Variants in NTN4 observed in about 807,000 individuals in gnomAD.
The protein encoded by NTN4 is netrin 4, also known as netrin-4.
Under a neutral mutation model 73.6 loss-of-function variants are expected in NTN4, and 32 were observed. That is an observed-to-expected ratio of 0.44 (90% CI 0.33 to 0.58). The LOEUF (loss-of-function observed/expected upper bound fraction) is 0.58, where lower values mean the gene tolerates loss of function less well. NTN4 is among the 20% of genes least tolerant of loss of function. NTN4 has a pLI of 0.04. For missense variants in NTN4, 654 were observed against 798.3 expected (o/e 0.82, Z 2.18); for synonymous variants, 258 against 287.5 (o/e 0.90, Z 1.04).
At chr12:95,777,215 T>C (rs950946920) in intron 2 of NTN4, among the ~76,000 whole-genome samples, 6 of 152,092 alleles carry the variant, frequency 3.9e-5, no homozygotes, top group African/African-American at 1.2e-4. Context: ...ACATGCCAAA[T>C]TGTAAAGACC....
intron 5 of NTN4, among the ~76,000 whole-genome samples, chr12:95,705,941 G>T (rs2078519163): frequency 6.6e-6 from 1 of 152,294 alleles, no homozygotes; most frequent in East Asian, 1.9e-4. Flanking sequence ...TATTCTAATT[G>T]CTCAAGTTCG....
At chr12:95,677,842 A>G (rs894320315) in intron 7 of NTN4, among the ~76,000 whole-genome samples, 1 of 152,184 alleles carries the variant, frequency 6.6e-6, no homozygotes, top group Admixed American at 6.5e-5. Context: ...CTGGGTATAC[A>G]CCCAAAGGAT....
At chr12:95,783,613 T>A (rs2079147576) in intron 2 of NTN4, among the ~76,000 whole-genome samples, 1 of 152,154 alleles carries the variant, frequency 6.6e-6, no homozygotes, top group African/African-American at 2.4e-5. Context: ...AGAACTTGAT[T>A]TTATGGAACA....
In NTN4 at chr12:95,704,687, G is replaced by A. The variant is rs139262978; in HGVS notation, c.1180+5754C>T. On this transcript the variant is annotated intron_variant, in intron 5 of 9. Transcript: ENST00000343702. ...GTGCTGATAAATGTTGGGATCTACT[G>A]CAGGCTCAGAAAAAGAGAAGAACCA... Among the ~76,000 whole-genome samples the A allele has an allele frequency of 4.4e-3, 665 of 152,298 alleles. 6 individuals carry two copies. Among genetic ancestry groups the A allele is most frequent in the South Asian group, 0.033 (159 of 4,826 alleles).
At chr12:95,664,858 T>A (rs2078167594) in intron 9 of NTN4, among the ~76,000 whole-genome samples, 3 of 151,994 alleles carry the variant, frequency 2.0e-5, no homozygotes. Context: ...AATGTAACAA[T>A]GAGTTTATAT....
chr12:95,723,141 T>C (rs1341065182), intron 3 of NTN4, among the ~76,000 whole-genome samples: 1 of 152,066 alleles, frequency 6.6e-6, no homozygotes, highest in Non-Finnish European at 1.5e-5. Context: ...AACAAATCTC[T>C]CTTTTGTGAG....
intron 2 of NTN4, among the ~76,000 whole-genome samples, chr12:95,757,831 T>C (rs897812179): frequency 1.3e-4 from 19 of 151,852 alleles, no homozygotes; most frequent in African/African-American, 4.6e-4. Flanking sequence ...AAAAGGAGAT[T>C]ACAAAAACCT....
At position 95,658,024 on chromosome 12, in the gene NTN4, CTG is replaced by C. The variant is rs547048724; in HGVS notation, c.*1060_*1061del. ...ACAGAAGATGAATAATAATGAAAAA[CTG>C]TGATTTTTTGACTATCACATACATT... On this transcript the variant is annotated 3_prime_UTR_variant, in exon 10 of 10. Coordinates refer to ENST00000343702, the MANE Select transcript of NTN4 (RefSeq NM_021229.4). 4.1e-3 allele frequency: 624 copies of C among 152,622 alleles called. 6 individuals carry two copies. The highest frequency in any genetic ancestry group is 6.3e-3 in the Non-Finnish European group (427 of 68,000). 9.5% of individuals were successfully genotyped at this position (152,622 alleles called of 1,614,324 possible).
rs550503451 is a variant in NTN4 at position 95,732,174 on chromosome 12, G to A, written c.864+5692C>T. ...TTATTGTTTTTTAAATCTCCTGTTC[G>A]TTTCCTTAATACCTTAAAGATTGAA... On this transcript the variant is annotated intron_variant, in intron 3 of 9. Transcript: ENST00000343702. Among the ~76,000 whole-genome samples, 739 of 151,626 alleles carry A rather than the reference G, an allele frequency of 4.9e-3. 4 individuals are homozygous for A. Among genetic ancestry groups the A allele is most frequent in the Non-Finnish European group, 8.6e-3 (585 of 67,904 alleles).
chr12:95,757,112 C>T (rs1368225824), intron 2 of NTN4, among the ~76,000 whole-genome samples: 1 of 152,024 alleles, frequency 6.6e-6, no homozygotes, highest in Non-Finnish European at 1.5e-5. Flanking sequence ...GTGCAGGGGA[C>T]CTTGTCTGCT....
intron 2 of NTN4, among the ~76,000 whole-genome samples, chr12:95,741,443 A>ATATATT (rs1211849831): frequency 2.9e-5 from 3 of 104,446 alleles, no homozygotes; most frequent in African/African-American, 1.5e-4. Context: ...ATATATATAT[A>ATATATT]TATATATATA....
intron 2 of NTN4, among the ~76,000 whole-genome samples, chr12:95,782,635 C>A (rs561207324): frequency 1.3e-5 from 2 of 152,318 alleles, no homozygotes; most frequent in African/African-American, 4.8e-5. Context: ...GACCCAGCTA[C>A]TCCCTCTGTT....
At chr12:95,773,114 A>G (rs951175748) in intron 2 of NTN4, among the ~76,000 whole-genome samples, 2 of 151,044 alleles carry the variant, frequency 1.3e-5, no homozygotes, top group African/African-American at 2.4e-5. Context: ...CGTTATTCTC[A>G]TGCCTCCGCC....
chr12:95,735,835 A>G (rs2078771605), intron 3 of NTN4, among the ~76,000 whole-genome samples: 1 of 152,040 alleles, frequency 6.6e-6, no homozygotes, highest in East Asian at 1.9e-4. Context: ...CTGAAAGTTT[A>G]TATTTAGAGG....
At chr12:95,768,727 G>A (rs1266866217) in intron 2 of NTN4, among the ~76,000 whole-genome samples, 3 of 152,176 alleles carry the variant, frequency 2.0e-5, no homozygotes, top group African/African-American at 7.2e-5. Context: ...GGGAGCAAGC[G>A]AGACAGAAAA....
intron 3 of NTN4, among the ~76,000 whole-genome samples, chr12:95,725,160 T>C (rs775147819): frequency 2.0e-5 from 3 of 152,082 alleles, no homozygotes; most frequent in Non-Finnish European, 2.9e-5. Context: ...GAATTAACAA[T>C]ATATAACTTC....
intron 2 of NTN4, among the ~76,000 whole-genome samples, chr12:95,778,035 A>G (rs1380187085): frequency 6.6e-6 from 1 of 152,214 alleles, no homozygotes; most frequent in Non-Finnish European, 1.5e-5. Flanking sequence ...CTACATGGAA[A>G]CTGAACAACC....
intron 7 of NTN4, among the ~76,000 whole-genome samples, chr12:95,680,370 T>G (rs2078306205): frequency 6.6e-6 from 1 of 152,246 alleles, no homozygotes; most frequent in South Asian, 2.1e-4. Context: ...AGACAGGTAC[T>G]TCTATAACCA....
intron 2 of NTN4, among the ~76,000 whole-genome samples, chr12:95,774,644 T>C (rs1486890075): frequency 1.3e-5 from 2 of 152,244 alleles, no homozygotes; most frequent in Non-Finnish European, 2.9e-5. Flanking sequence ...AAACCCCGAT[T>C]AAGTAATTTA....
Sources: allele counts gnomAD v4.1 joint callset (sites outside exome capture counted in the v4.1 genomes callset), GRCh38; gene constraint gnomAD v4.1.1; transcripts MANE v1.5; gene names NCBI Gene and HGNC (gene_info 2026-07-23, HGNC 2026-07-21).